The following RALGPS1 variants were observed in gnomAD, a reference collection of about 807,000 sequenced individuals.
RALGPS1 encodes Ral GEF with PH domain and SH3 binding motif 1.
RALGPS1 carries 19 observed loss-of-function variants against 78.8 expected under a neutral mutation model. The observed-to-expected ratio is 0.24, with a 90% CI of 0.17 to 0.35. The LOEUF is 0.35. Ranked by LOEUF, RALGPS1 falls within the 10% of genes least tolerant of loss-of-function variation. RALGPS1 has a pLI of 1.00. For missense variants in RALGPS1, 454 were observed against 688.3 expected, an observed-to-expected ratio of 0.66 and a Z score of 3.81; for synonymous variants, 228 against 256.3, an observed-to-expected ratio of 0.89 and a Z score of 1.06.
At chr9:126,927,946 G>T (rs998080745) in intron 1 of RALGPS1, among the ~76,000 whole-genome samples, 5 of 152,204 alleles carry the variant, frequency 3.3e-5, no homozygotes, top group African/African-American at 1.2e-4. Flanking sequence ...TGTATCCTGT[G>T]CTTGGGTAGC....
chr9:126,954,603 G>A (rs1442801749), intron 1 of RALGPS1, among the ~76,000 whole-genome samples: 8 of 152,132 alleles, frequency 5.3e-5, no homozygotes, highest in Admixed American at 4.6e-4. Flanking sequence ...CCTGGCCAAT[G>A]TGGTGAAACC....
chr9:127,213,213 G>A (rs2062379086), intron 17 of RALGPS1, among the ~76,000 whole-genome samples, 164 bp downstream of exon 17: 1 of 152,242 alleles, frequency 6.6e-6, no homozygotes. Context: ...AAGCTGCATA[G>A]ATCATGGTTG....
rs1031150694 is a variant in RALGPS1 at position 126,987,442 on chromosome 9, T to C, written c.216+9697T>C. Among the ~76,000 whole-genome samples the C allele has an allele frequency of 2.0e-5, 3 of 152,208 alleles. No homozygotes were observed. In the South Asian group the frequency reaches 6.2e-4, roughly 32 times the overall value. On this transcript the variant is annotated intron_variant, in intron 4 of 18. Coordinates refer to ENST00000259351, the MANE Select transcript of RALGPS1 (RefSeq NM_014636.3). ...AAAATTTAATACTACTTTTGGTGCC[T>C]GGTGCTCTTGAGAGAAGAAAAGGAG...
chr9:127,157,652 T>A (rs1028197461), intron 8 of RALGPS1, among the ~76,000 whole-genome samples: 2 of 152,116 alleles, frequency 1.3e-5, no homozygotes, highest in East Asian at 3.8e-4. Context: ...TGATGATTAC[T>A]GTTATATAAG....
chr9:127,101,115 T>A (rs2136824222), intron 8 of RALGPS1, among the ~76,000 whole-genome samples: 1 of 152,236 alleles, frequency 6.6e-6, no homozygotes, highest in East Asian at 1.9e-4. Context: ...CCAGGAAAGC[T>A]ACTTTATCCT....
chr9:127,186,660 C>T (rs2060668086), intron 11 of RALGPS1, among the ~76,000 whole-genome samples: 1 of 152,240 alleles, frequency 6.6e-6, no homozygotes, highest in South Asian at 2.1e-4. Flanking sequence ...CGCGTCAGAC[C>T]CAGGCTGTTG....
At chr9:126,943,528 A>T (rs920200445) in intron 1 of RALGPS1, among the ~76,000 whole-genome samples, 1 of 152,126 alleles carries the variant, frequency 6.6e-6, no homozygotes, top group Non-Finnish European at 1.5e-5. Flanking sequence ...TTCATAGTCT[A>T]TTAGTCGAGG....
chr9:127,083,524 C>T (rs1485125932), intron 8 of RALGPS1, among the ~76,000 whole-genome samples: 1 of 152,224 alleles, frequency 6.6e-6, no homozygotes, highest in Admixed American at 6.5e-5. Context: ...TGCTGCCTTG[C>T]ATCTTGAAGG....
At chr9:127,146,025 T>C (rs1484778849) in intron 8 of RALGPS1, among the ~76,000 whole-genome samples, 2 of 152,246 alleles carry the variant, frequency 1.3e-5, no homozygotes, top group African/African-American at 4.8e-5. Flanking sequence ...TCCTGCAGTA[T>C]CTGCGGCATG....
rs1251691859 is a variant in RALGPS1, at chr9:127,212,347, C to G, written c.1353+111C>G. 2 of 806,646 alleles carry G rather than the reference C, an allele frequency of 2.5e-6. No homozygotes were observed. The highest frequency in any genetic ancestry group is 3.9e-6 in the Non-Finnish European group (2 of 514,182). 50.0% of individuals were successfully genotyped at this position (806,646 alleles called of 1,614,324 possible). A position where few individuals can be genotyped will look rare whatever the true frequency, so the allele number is the denominator to read the frequency against. ...ACATGCATGGCAGAGGCTCTGCTTG[C>G]AGTGGGCATGCAGCGAGCTGAACTC... On this transcript the variant is annotated intron_variant, in intron 15 of 18. Coordinates refer to ENST00000259351, the MANE Select transcript of RALGPS1 (RefSeq NM_014636.3). The surrounding 1 kb of genome is among the most constrained non-coding windows in gnomAD (Gnocchi z 6.0).
chr9:127,045,837 G>A (rs945465136), intron 5 of RALGPS1, among the ~76,000 whole-genome samples: 1 of 151,058 alleles, frequency 6.6e-6, no homozygotes, highest in African/African-American at 2.4e-5. Flanking sequence ...TAGAAACGAT[G>A]ATACCCCAGT....
chr9:127,183,842 A>T lies in RALGPS1; in HGVS notation c.910+9060A>T. 1 of 1,536,102 alleles carries T rather than the reference A, an allele frequency of 6.5e-7. No individual in the cohort carries two copies. The highest frequency in any genetic ancestry group is 2.5e-5 in the East Asian group (1 of 40,692). On this transcript the variant is annotated intron_variant, in intron 11 of 18. Coordinates refer to ENST00000259351, the MANE Select transcript of RALGPS1 (RefSeq NM_014636.3). The surrounding 1 kb of genome is among the most constrained non-coding windows in gnomAD (Gnocchi z 4.0). ...GCCAGTTGTGGCCCATTACTCTGGG[A>T]TTTCACATCTCCTTTGTTCTTGAGT...
intron 1 of RALGPS1, among the ~76,000 whole-genome samples, chr9:126,955,548 T>C (rs1392831551): frequency 2.6e-5 from 4 of 152,200 alleles, no homozygotes; most frequent in Admixed American, 6.5e-5. Context: ...TGTTATTGAA[T>C]ACAATAATAA....
At position 127,142,472 on chromosome 9, in the gene RALGPS1, G is replaced by A. The variant is rs79510336; in HGVS notation, c.611-23597G>A. Among the ~76,000 whole-genome samples the A allele has an allele frequency of 7.6e-3, 1,155 of 152,190 alleles. 15 individuals are homozygous for A. Among genetic ancestry groups the A allele is most frequent in the African/African-American group, 0.027 (1,119 of 41,512 alleles). ...GGCAGTTGGAGGGGTGGGCATGATG[G>A]GCGCATCTGGAGGGAAGCAGAAGTC... On this transcript the variant is annotated intron_variant, in intron 8 of 18. Transcript: ENST00000259351.
At chr9:127,119,180 C>G (rs891610643) in intron 8 of RALGPS1, among the ~76,000 whole-genome samples, 1 of 152,142 alleles carries the variant, frequency 6.6e-6, no homozygotes, top group African/African-American at 2.4e-5. Context: ...TGTCACTGAC[C>G]ATATTACCAC....
intron 4 of RALGPS1, among the ~76,000 whole-genome samples, chr9:127,023,901 G>A (rs923104952): frequency 6.6e-6 from 1 of 152,066 alleles, no homozygotes; most frequent in South Asian, 2.1e-4. Context: ...GCCAGGCATG[G>A]TGGCGGGCTC....
chr9:127,194,058 A>C (rs554255368), intron 11 of RALGPS1, among the ~76,000 whole-genome samples: 38 of 152,192 alleles, frequency 2.5e-4, no homozygotes, highest in Non-Finnish European at 5.0e-4. Context: ...TTGCGCCCCT[A>C]ACTCCCTGGC....
chr9:127,205,305 C>T lies in RALGPS1; in HGVS notation c.1247+6239C>T, dbSNP rs1310444616. Among the ~76,000 whole-genome samples the T allele has an allele frequency of 2.0e-5, 3 of 152,242 alleles. No homozygotes were observed. The highest frequency in any genetic ancestry group is 2.1e-4 in the South Asian group (1 of 4,830). ...ACTAGGGTTCTCTTCACCAAATGTCCTCTGGGTGGCAGCCCAGTTAGAAAA... is the reference window on the plus strand; with the variant it reads ...ACTAGGGTTCTCTTCACCAAATGTCTTCTGGGTGGCAGCCCAGTTAGAAAA... On this transcript the variant is annotated intron_variant, in intron 14 of 18. Coordinates refer to ENST00000259351, the MANE Select transcript of RALGPS1 (RefSeq NM_014636.3). The surrounding 1 kb of genome is among the most constrained non-coding windows in gnomAD (Gnocchi z 4.0).
At chr9:126,966,467 GCTGTGATCATGCAA>G (rs1404330276) in intron 3 of RALGPS1, among the ~76,000 whole-genome samples, 3 of 149,602 alleles carry the variant, frequency 2.0e-5, no homozygotes, top group African/African-American at 7.4e-5. Flanking sequence ...GCTGCAGTGA[GCTGTGATCATGCAA>G]CTGTATTCCA....
Sources: allele counts gnomAD v4.1 joint callset (sites outside exome capture counted in the v4.1 genomes callset), GRCh38; gene constraint gnomAD v4.1.1; non-coding constraint Gnocchi (gnomAD v3.1); transcripts MANE v1.5; gene names NCBI Gene and HGNC (gene_info 2026-07-23, HGNC 2026-07-21).